Variants in SUSD4 observed in about 807,000 individuals in gnomAD.
SUSD4 encodes sushi domain-containing protein 4.
A neutral mutation model predicts 50.5 loss-of-function variants in SUSD4; 41 were observed. The ratio of observed to expected loss-of-function variants is 0.81; its 90% CI spans 0.63 to 1.05. The LOEUF is 1.05. SUSD4 is among the 50% of genes least tolerant of loss of function. SUSD4 has a pLI of 0.00. For missense variants in SUSD4, 580 were observed against 634.7 expected (o/e 0.91, Z 0.93); for synonymous variants, 257 against 257.3 (o/e 1.00, Z 0.01).
chr1:223,327,930 T>TG (rs1352762621), intron 2 of SUSD4, among the ~76,000 whole-genome samples: 3 of 152,148 alleles, frequency 2.0e-5, no homozygotes, highest in African/African-American at 7.2e-5. Context: ...GGTGATGTCT[T>TG]GCTTGGCTCT....
intron 2 of SUSD4, among the ~76,000 whole-genome samples, chr1:223,303,147 T>C (rs1316500052): frequency 1.3e-5 from 2 of 152,056 alleles, no homozygotes; most frequent in Non-Finnish European, 2.9e-5. Flanking sequence ...AGCAAGACCC[T>C]ATCTCAAAAA....
chr1:223,298,290 A>G (rs1664967092), intron 2 of SUSD4, among the ~76,000 whole-genome samples: 1 of 152,170 alleles, frequency 6.6e-6, no homozygotes, highest in Non-Finnish European at 1.5e-5. Flanking sequence ...CAGTCCCAGG[A>G]GCTTATGAAT....
At chr1:223,268,042 T>TATATATATATATAC (rs869264392) in intron 4 of SUSD4, among the ~76,000 whole-genome samples, 12 of 106,824 alleles carry the variant, frequency 1.1e-4, no homozygotes, top group Non-Finnish European at 1.4e-4. Flanking sequence ...TATATATATA[T>TATATATATATATAC]ACACACACAC....
At chr1:223,309,470 G>T (rs376456921) in intron 2 of SUSD4, among the ~76,000 whole-genome samples, 1 of 152,170 alleles carries the variant, frequency 6.6e-6, no homozygotes, top group South Asian at 2.1e-4. Context: ...GGTTCTACTC[G>T]CAGGTCAGAG....
At chr1:223,242,778 G>C (rs1014675766) in intron 5 of SUSD4, among the ~76,000 whole-genome samples, 1 of 152,150 alleles carries the variant, frequency 6.6e-6, no homozygotes, top group East Asian at 1.9e-4. Context: ...CCAGTGGCTT[G>C]CTAAGGGAGG....
At chr1:223,234,853 C>T in intron 5 of SUSD4, 1 of 1,423,374 alleles carries the variant, frequency 7.0e-7, no homozygotes, top group South Asian at 1.7e-5. Context: ...TTGGTTCTTC[C>T]CTTGATGCAC....
At chr1:223,348,888 C>A (rs998877509) in intron 2 of SUSD4, among the ~76,000 whole-genome samples, 1 of 152,088 alleles carries the variant, frequency 6.6e-6, no homozygotes, top group Admixed American at 6.6e-5. Context: ...AATGCATATA[C>A]AAGTCTTCAT....
At chr1:223,232,821 G>A (rs2103006509) in intron 5 of SUSD4, among the ~76,000 whole-genome samples, 1 of 152,314 alleles carries the variant, frequency 6.6e-6, no homozygotes, top group Admixed American at 6.5e-5. Context: ...CAGGGTGTTA[G>A]GCAGCTTGTT....
intron 2 of SUSD4, among the ~76,000 whole-genome samples, chr1:223,341,574 G>C (rs984734111): frequency 3.9e-5 from 6 of 152,020 alleles, no homozygotes; most frequent in South Asian, 2.1e-4. Flanking sequence ...AAATGCCAGC[G>C]GTCTCCAGAT....
At chr1:223,362,966 C>T (rs1009307411) in intron 2 of SUSD4, among the ~76,000 whole-genome samples, 3 of 148,092 alleles carry the variant, frequency 2.0e-5, no homozygotes, top group African/African-American at 7.4e-5. Context: ...CCCCCGCTTC[C>T]TTGGCCAAAG....
At chr1:223,282,726 T>C (rs1663833761) in intron 3 of SUSD4, among the ~76,000 whole-genome samples, 1 of 152,126 alleles carries the variant, frequency 6.6e-6, no homozygotes, top group Admixed American at 6.5e-5. Flanking sequence ...CTTCACAGAA[T>C]TGGAAAAAAC....
intron 2 of SUSD4, among the ~76,000 whole-genome samples, chr1:223,315,555 C>T (rs1178587374): frequency 1.3e-5 from 2 of 152,206 alleles, no homozygotes; most frequent in African/African-American, 4.8e-5. Context: ...CTAGCGTCTG[C>T]ATTTTCAGAG....
At chr1:223,337,335 A>G (rs1177226222) in intron 2 of SUSD4, among the ~76,000 whole-genome samples, 1 of 152,232 alleles carries the variant, frequency 6.6e-6, no homozygotes, top group East Asian at 1.9e-4. Context: ...GTCACCTTAC[A>G]GAGCTCAAAT....
chr1:223,351,218 G>A (rs919401792), intron 2 of SUSD4, among the ~76,000 whole-genome samples: 3 of 152,218 alleles, frequency 2.0e-5, no homozygotes, highest in Non-Finnish European at 2.9e-5. Flanking sequence ...ATGGTGACAG[G>A]GCCCTTATTT....
At chr1:223,287,589 G>C (rs1190088347) in intron 3 of SUSD4, among the ~76,000 whole-genome samples, 1 of 152,152 alleles carries the variant, frequency 6.6e-6, no homozygotes, top group Non-Finnish European at 1.5e-5. Context: ...CTGGGATTAA[G>C]AAGAGCCCTG....
chr1:223,305,508 T>C (rs532040201), intron 2 of SUSD4, among the ~76,000 whole-genome samples: 158 of 152,332 alleles, frequency 1.0e-3, no homozygotes, highest in African/African-American at 3.6e-3. Context: ...AAATTAATTT[T>C]CTTGTTTGTG....
At chr1:223,314,843 A>G (rs1244788274) in intron 2 of SUSD4, among the ~76,000 whole-genome samples, 1 of 152,128 alleles carries the variant, frequency 6.6e-6, no homozygotes, top group Non-Finnish European at 1.5e-5. Flanking sequence ...AGTCTCAGGT[A>G]TGTCTTTAAC....
chr1:223,279,582 A>T (rs1663540343), intron 3 of SUSD4, among the ~76,000 whole-genome samples: 2 of 152,236 alleles, frequency 1.3e-5, no homozygotes, highest in South Asian at 2.1e-4. Context: ...GAAATAGGGG[A>T]CTATGTGCAA....
At chr1:223,326,923 A>G (rs979228938) in intron 2 of SUSD4, among the ~76,000 whole-genome samples, 1 of 152,212 alleles carries the variant, frequency 6.6e-6, no homozygotes, top group African/African-American at 2.4e-5. Context: ...CCTCTATGGA[A>G]AACAGTATGG....
Sources: allele counts gnomAD v4.1 joint callset (sites outside exome capture counted in the v4.1 genomes callset), GRCh38; gene constraint gnomAD v4.1.1; transcripts MANE v1.5; gene names NCBI Gene and HGNC (gene_info 2026-07-23, HGNC 2026-07-21).